SYTL5: variants seen among roughly 807,000 people sequenced by gnomAD.
SYTL5 encodes synaptotagmin like 5, also known as synaptotagmin-like protein 5.
A neutral mutation model predicts 55.9 loss-of-function variants in SYTL5; 34 were observed. The ratio of observed to expected loss-of-function variants is 0.61; its 90% CI spans 0.46 to 0.81. SYTL5 has a LOEUF of 0.81. SYTL5 is among the 30% of genes least tolerant of loss of function. The pLI, the probability that SYTL5 is intolerant of heterozygous loss-of-function variation, is 0.00. For synonymous variants in SYTL5, 221 were observed against 188.7 expected, an observed-to-expected ratio of 1.17 and a Z score of -1.40; for missense variants, 637 against 546.7, an observed-to-expected ratio of 1.17 and a Z score of -1.65.
At chrX:37,936,143 T>C in the SYTL5 span, among the ~76,000 whole-genome samples, 1 of 112,192 alleles carries the variant, frequency 8.9e-6, no homozygotes, top group African/African-American at 3.2e-5. Flanking sequence ...CATTTAATAA[T>C]AAACAGTGTC....
At chrX:38,062,744 A>G (rs1193853986) in intron 3 of SYTL5, among the ~76,000 whole-genome samples, 1 of 111,887 alleles carries the variant, frequency 8.9e-6, no homozygotes, top group African/African-American at 3.3e-5. Flanking sequence ...AATAAAGTAA[A>G]CAAAACAAGA....
chrX:37,935,849 G>C, the SYTL5 span, among the ~76,000 whole-genome samples: 5 of 112,164 alleles, frequency 4.5e-5, no homozygotes, highest in African/African-American at 1.6e-4. Context: ...AAAGGCATAA[G>C]GCATATAAAA....
At chrX:37,953,004 G>T in the SYTL5 span, among the ~76,000 whole-genome samples, 5 of 111,026 alleles carry the variant, frequency 4.5e-5, no homozygotes, top group East Asian at 1.4e-3. Flanking sequence ...TAATAATTAC[G>T]CCAGAACCAC....
intron 1 of SYTL5, among the ~76,000 whole-genome samples, chrX:38,006,880 G>A (rs1452646459): frequency 9.0e-6 from 1 of 111,152 alleles, no homozygotes; most frequent in Non-Finnish European, 1.9e-5. Context: ...GGATTGAGGA[G>A]AGAAATATAA....
intron 15 of SYTL5, among the ~76,000 whole-genome samples, chrX:38,125,058 A>G (rs1267599957): frequency 8.9e-6 from 1 of 111,936 alleles, no homozygotes; most frequent in Admixed American, 9.5e-5. Context: ...AGTGTCTATT[A>G]CAGGAGGTAT....
chrX:38,033,852 A>T lies in SYTL5; in HGVS notation c.-38A>T, dbSNP rs1357435777. 1.4e-5 allele frequency: 11 copies of T among 800,437 alleles called. No homozygotes were observed. The highest frequency in any genetic ancestry group is 1.8e-5 in the Non-Finnish European group (10 of 546,028). 66.0% of individuals were successfully genotyped at this position (800,437 alleles called of 1,213,427 possible). On this transcript the variant is annotated 5_prime_UTR_variant, in exon 2 of 17. Coordinates refer to ENST00000297875, the MANE Select transcript of SYTL5 (RefSeq NM_138780.3). Reference sequence around the variant, plus strand: ...TAGATATCAATTCACCTTCTTGAAGATTCAACCACTGCTACTCAGAGCTGC... The same window carrying T: ...TAGATATCAATTCACCTTCTTGAAGTTTCAACCACTGCTACTCAGAGCTGC...
intron 3 of SYTL5, among the ~76,000 whole-genome samples, chrX:38,069,434 T>C (rs1354787106): frequency 8.9e-6 from 1 of 111,842 alleles, no homozygotes; most frequent in Admixed American, 9.5e-5. Context: ...GTGGACAGAA[T>C]CCAGTTCCTT....
chrX:37,920,469 C>T, the SYTL5 span, among the ~76,000 whole-genome samples: 1 of 110,671 alleles, frequency 9.0e-6, no homozygotes, highest in Non-Finnish European at 1.9e-5. Context: ...GGTAGAACTA[C>T]TGGACTCTAG....
At chrX:37,936,911 G>A in the SYTL5 span, among the ~76,000 whole-genome samples, 2 of 108,575 alleles carry the variant, frequency 1.8e-5, no homozygotes, top group African/African-American at 3.4e-5. Context: ...TTAGCTGGGC[G>A]TAGTGGCAAG....
chrX:38,091,453 T>C (rs1313015914), intron 7 of SYTL5, among the ~76,000 whole-genome samples: 1 of 111,735 alleles, frequency 8.9e-6, no homozygotes, highest in Non-Finnish European at 1.9e-5. Flanking sequence ...AAAGGAATGA[T>C]ATTCAAACCA....
chrX:38,075,798 A>C lies in SYTL5; in HGVS notation c.555-769A>C, dbSNP rs1263104345. ...TCCATGTTTTCCTCTAGAAAACTGT[A>C]GAATGTAAATGAAGTGTATCTCCCA... On this transcript the variant is annotated intron_variant, in intron 5 of 16. Coordinates refer to ENST00000297875, the MANE Select transcript of SYTL5 (RefSeq NM_138780.3). Among the ~76,000 whole-genome samples the C allele has an allele frequency of 4.5e-5, 5 of 112,125 alleles. No individual in the cohort carries two copies. In the Admixed American group the frequency reaches 4.7e-4, roughly 11 times the overall value.
the SYTL5 span, among the ~76,000 whole-genome samples, chrX:37,953,051 C>T: frequency 1.6e-4 from 18 of 111,170 alleles, no homozygotes; most frequent in South Asian, 3.9e-4. Context: ...CTCAGGAAAA[C>T]GAGTTTATAT....
At chrX:37,931,908 G>T in the SYTL5 span, among the ~76,000 whole-genome samples, 104 of 109,511 alleles carry the variant, frequency 9.5e-4, no homozygotes, top group Non-Finnish European at 1.6e-3. Context: ...AAGGAGTTCA[G>T]TCTGCTCAAT....
chrX:38,056,498 G>T (rs1258627479), intron 3 of SYTL5, among the ~76,000 whole-genome samples: 2 of 111,545 alleles, frequency 1.8e-5, no homozygotes, highest in African/African-American at 6.5e-5. Flanking sequence ...GGGATTGTTA[G>T]ATCATATGGT....
chrX:37,890,086 C>T, the SYTL5 span, among the ~76,000 whole-genome samples: 1 of 110,240 alleles, frequency 9.1e-6, no homozygotes, highest in South Asian at 4.1e-4. Context: ...CCAGGCCTTT[C>T]CTGGGCCCTG....
chrX:38,084,387 T>G (rs949050997), intron 6 of SYTL5, among the ~76,000 whole-genome samples: 2 of 111,941 alleles, frequency 1.8e-5, no homozygotes, highest in African/African-American at 6.5e-5. Flanking sequence ...TCCAGCTAAT[T>G]AAACACAAAG....
chrX:37,974,229 C>T, the SYTL5 span, among the ~76,000 whole-genome samples: 1 of 112,050 alleles, frequency 8.9e-6, no homozygotes, highest in Non-Finnish European at 1.9e-5. Context: ...TGTTACCATC[C>T]ATACAATGAA....
Position 38,126,649 on chromosome X carries a change from G to T in SYTL5, c.2112G>T (p.Trp704Cys). Reference protein sequence around the residue: ...MDSQGEEQRLWQKMANNPGTP... With the variant: ...MDSQGEEQRLCQKMANNPGTP... Reference sequence around the variant, plus strand: ...CTCAGGGGGAAGAGCAGCGCCTTTGGCAGAAGATGGCCAACAACCCTGGAA... The same window carrying T: ...CTCAGGGGGAAGAGCAGCGCCTTTGTCAGAAGATGGCCAACAACCCTGGAA... The change falls in exon 17 of 17, where the codon TGG becomes TGT. Residue 704 changes from tryptophan (W) to cysteine (C), a missense_variant. Coordinates refer to ENST00000297875, the MANE Select transcript of SYTL5 (RefSeq NM_138780.3). 8.3e-7 allele frequency: 1 copy of T among 1,210,250 alleles called. No homozygotes were observed.
At chrX:37,899,138 A>C in the SYTL5 span, among the ~76,000 whole-genome samples, 1 of 112,293 alleles carries the variant, frequency 8.9e-6, no homozygotes, top group South Asian at 3.7e-4. Flanking sequence ...AGAAAAATTC[A>C]ATTATTCCCA....
Sources: gnomAD v4.1 joint callset for allele counts (sites outside exome capture counted in the v4.1 genomes callset) on GRCh38, gnomAD v4.1.1 for gene constraint, MANE v1.5 for transcripts, NCBI Gene and HGNC (gene_info 2026-07-23, HGNC 2026-07-21) for gene names.